Variants in LRRC2 observed in about 807,000 individuals in gnomAD.
The protein encoded by LRRC2 is leucine rich repeat containing 2, also known as leucine-rich repeat-containing protein 2.
Under a neutral mutation model 40.2 loss-of-function variants are expected in LRRC2, and 27 were observed. The observed-to-expected ratio is 0.67, with a 90% CI of 0.49 to 0.93. The LOEUF is 0.93. LRRC2 is among the 40% of genes least tolerant of loss of function. The probability of loss-of-function intolerance (pLI) is 0.00; values close to 1 mark genes in which losing one functional copy is unlikely to be tolerated. For missense variants in LRRC2, 402 were observed against 439.6 expected, an observed-to-expected ratio of 0.91 and a Z score of 0.76; for synonymous variants, 147 against 158.9, an observed-to-expected ratio of 0.92 and a Z score of 0.56.
intron 1 of LRRC2, among the ~76,000 whole-genome samples, chr3:46,563,398 G>A (rs1704989905): frequency 6.6e-6 from 1 of 151,978 alleles, no homozygotes; most frequent in African/African-American, 2.4e-5. Context: ...CCCTCGGCCT[G>A]CCCATCCCAC....
intron 1 of LRRC2, among the ~76,000 whole-genome samples, chr3:46,554,596 C>A (rs1456779656): frequency 1.3e-4 from 20 of 148,396 alleles, no homozygotes; most frequent in African/African-American, 5.0e-4. Context: ...GAGCCGAGAT[C>A]GTACCAGCGC....
intron 5 of LRRC2, among the ~76,000 whole-genome samples, chr3:46,532,546 A>C (rs530835397): frequency 6.6e-6 from 1 of 152,248 alleles, no homozygotes; most frequent in South Asian, 2.1e-4. Context: ...CAAAACCTGC[A>C]GTGAGCTGAG....
chr3:46,543,643 TAATAATA>T (rs1284311211), intron 3 of LRRC2, among the ~76,000 whole-genome samples: 41 of 94,602 alleles, frequency 4.3e-4, no homozygotes, highest in African/African-American at 8.4e-4. Context: ...ATAATAATAA[TAATAATA>T]AATAATAAAT....
Position 46,518,958 on chromosome 3 carries a change from CA to C in LRRC2, c.*55del. The C allele has an allele frequency of 8.3e-7, 1 of 1,199,416 alleles. No individual in the cohort carries two copies. Among genetic ancestry groups the C allele is most frequent in the Non-Finnish European group, 1.2e-6 (1 of 804,354 alleles). The allele number at this position is 1,199,416 out of a possible 1,614,324, so 74.3% of individuals were successfully genotyped here. On this transcript the variant is annotated 3_prime_UTR_variant, in exon 9 of 9. Coordinates refer to ENST00000395905, the MANE Select transcript of LRRC2 (RefSeq NM_024512.5). Reference sequence around the variant, plus strand: ...TTCTTCCTATATGACATGATCATAACAAAGATTTATATATAGCTCCAGAGAA... The same window carrying C: ...TTCTTCCTATATGACATGATCATAACAAGATTTATATATAGCTCCAGAGAA...
rs190834092 is a variant in LRRC2, at chr3:46,519,161, C to A, written c.1067-98G>T. ...TACATAATGAATGTATGTCAATACA[C>A]CCATTATTGTCACTTCATGTTTTAA... is the stretch of plus-strand genomic sequence containing the variant. On this transcript the variant is annotated intron_variant, in intron 8 of 8. Transcript: ENST00000395905. 2.4e-4 allele frequency: 192 copies of A among 812,738 alleles called. 2 individuals carry two copies. The African/African-American group carries it at 2.7e-3, about 11-fold the overall frequency. 50.3% of individuals were successfully genotyped at this position (812,738 alleles called of 1,614,324 possible).
chr3:46,542,635 AG>A (rs1704419565), intron 3 of LRRC2, among the ~76,000 whole-genome samples: 1 of 152,240 alleles, frequency 6.6e-6, no homozygotes, highest in Non-Finnish European at 1.5e-5. Context: ...TATCTGTAAA[AG>A]TGGAAAAATA....
chr3:46,557,644 T>C lies in LRRC2; in HGVS notation c.-19-6034A>G, dbSNP rs185624243. ...TTTATATCTTCTGTTTCTTTGTTGA[T>C]ATTTTTCTATCTTTCCATTCATACC... On this transcript the variant is annotated intron_variant, in intron 1 of 8. Transcript: ENST00000395905. The C allele has an allele frequency of 2.0e-5, 3 of 152,374 alleles. No individual in the cohort carries two copies. The East Asian group carries it at 5.8e-4, about 29-fold the overall frequency. 9.4% of individuals were successfully genotyped at this position (152,374 alleles called of 1,614,324 possible).
At chr3:46,530,304 G>A (rs1476861864) in intron 5 of LRRC2, among the ~76,000 whole-genome samples, 1 of 152,150 alleles carries the variant, frequency 6.6e-6, no homozygotes, top group Admixed American at 6.6e-5. Flanking sequence ...TGCAAGCTGG[G>A]CGTGGTTGCT....
At chr3:46,528,193 G>A (rs964401183) in intron 6 of LRRC2, among the ~76,000 whole-genome samples, 7 of 152,102 alleles carry the variant, frequency 4.6e-5, no homozygotes, top group African/African-American at 1.7e-4. Context: ...CCTTCCGAGA[G>A]TCTACTGCAT....
Position 46,518,915 on chromosome 3 carries a change from G to A in LRRC2, c.*99C>T, listed in dbSNP as rs1476492899. 6 of 869,758 alleles carry A rather than the reference G, an allele frequency of 6.9e-6. No homozygotes were observed. The highest frequency in any genetic ancestry group is 4.9e-5 in the East Asian group (2 of 41,086). The allele number at this position is 869,758 out of a possible 1,614,324, so 53.9% of individuals were successfully genotyped here. A position where few individuals can be genotyped will look rare whatever the true frequency, so the allele number is the denominator to read the frequency against. On this transcript the variant is annotated 3_prime_UTR_variant, in exon 9 of 9. Coordinates refer to ENST00000395905, the MANE Select transcript of LRRC2 (RefSeq NM_024512.5). ...ACTATGATAGTGGTTTCTAGACTTT[G>A]TCCTTAAGCACAAGCCATTCTTCCT...
At chr3:46,540,130 G>C (rs984501310) in intron 3 of LRRC2, among the ~76,000 whole-genome samples, 1 of 152,246 alleles carries the variant, frequency 6.6e-6, no homozygotes, top group East Asian at 1.9e-4. Context: ...CTTGGTACTT[G>C]TAATGTGCTT....
At chr3:46,534,168 C>A (rs1704223970) in intron 4 of LRRC2, among the ~76,000 whole-genome samples, 1 of 152,082 alleles carries the variant, frequency 6.6e-6, no homozygotes, top group Admixed American at 6.5e-5. Context: ...TGAGTGAGAA[C>A]ATGCGGTGTT....
Position 46,519,034 on chromosome 3 carries a change from A to G in LRRC2, c.1096T>C (p.Ser366Pro). ...GGATATCAAAGTTGAAGGCTAAAAG[A>G]CACTTTGGTGGTATAGCTGGGAACA... ...ESVPSYTTKV[S>P]FSLQL Residue 366 changes from serine (S) to proline (P), a missense_variant, in exon 9 of 9, where the codon TCT becomes CCT. Coordinates refer to ENST00000395905, the MANE Select transcript of LRRC2 (RefSeq NM_024512.5). The G allele has an allele frequency of 6.8e-6, 11 of 1,609,984 alleles. No individual in the cohort carries two copies. Among genetic ancestry groups the G allele is most frequent in the Non-Finnish European group, 9.4e-6 (11 of 1,176,338 alleles).
Position 46,527,436 on chromosome 3 carries a change from T to G in LRRC2, c.919A>C (p.Thr307Pro), listed in dbSNP as rs1474812597. The G allele has an allele frequency of 5.0e-6, 8 of 1,613,726 alleles. No homozygotes were observed. Among genetic ancestry groups the G allele is most frequent in the Non-Finnish European group, 5.9e-6 (7 of 1,179,840 alleles). The change falls in exon 7 of 9, where the codon ACA becomes CCA. Residue 307 changes from threonine to proline, a missense_variant. By Grantham distance (38) the Thr-to-Pro change is conservative. Coordinates refer to ENST00000395905, the MANE Select transcript of LRRC2 (RefSeq NM_024512.5). Reference sequence around the variant, plus strand: ...TTCCGGGCTACTCACTTTAAAGGTGTGGATGAGTCACAAAGGGCAGTTGGG... The same window carrying G: ...TTCCGGGCTACTCACTTTAAAGGTGGGGATGAGTCACAAAGGGCAGTTGGG... ...ELPTALCDSS[T>P]PLKFVSLMDN...
intron 3 of LRRC2, 115 bp from the exon 4 acceptor site, chr3:46,539,316 A>C: frequency 1.0e-6 from 1 of 988,242 alleles, no homozygotes; most frequent in Non-Finnish European, 1.5e-6. Flanking sequence ...GAGAGCATAA[A>C]ACTTAACCAC....
chr3:46,518,772 G>GA lies in LRRC2; in HGVS notation c.*241dup, dbSNP rs2106969375. The GA allele has an allele frequency of 2.4e-6, 1 of 424,554 alleles. No homozygotes were observed. Among genetic ancestry groups the GA allele is most frequent in the Admixed American group, 4.0e-5 (1 of 24,708 alleles). 26.3% of individuals were successfully genotyped at this position (424,554 alleles called of 1,614,324 possible). ...AAACATATTAAATGTGCATTATTTGGAAAAAAGTATATGCAAATGAACCTG... is the reference window on the plus strand; with the variant it reads ...AAACATATTAAATGTGCATTATTTGGAAAAAAAGTATATGCAAATGAACCTG... On this transcript the variant is annotated 3_prime_UTR_variant, in exon 9 of 9. Transcript: ENST00000395905.
At chr3:46,528,293 C>CT (rs10706448) in intron 6 of LRRC2, among the ~76,000 whole-genome samples, 85 of 147,058 alleles carry the variant, frequency 5.8e-4, no homozygotes, top group Non-Finnish European at 7.3e-4. Context: ...CTTTGGTACA[C>CT]TTTTTTTTTT....
At chr3:46,545,338 A>C in intron 2 of LRRC2, 85 bp from the exon 3 acceptor site, 1 of 1,157,930 alleles carries the variant, frequency 8.6e-7, no homozygotes, top group South Asian at 1.4e-5. Flanking sequence ...ACCTGGGCAT[A>C]GGTGCTCTCC....
At chr3:46,529,131 T>A (rs1046344218) in intron 6 of LRRC2, among the ~76,000 whole-genome samples, 2 of 150,830 alleles carry the variant, frequency 1.3e-5, no homozygotes, top group Non-Finnish European at 3.0e-5. Flanking sequence ...AAAAAAAAAA[T>A]TGTAGATTCC....
Sources: allele counts gnomAD v4.1 joint callset (sites outside exome capture counted in the v4.1 genomes callset), GRCh38; gene constraint gnomAD v4.1.1; transcripts MANE v1.5; gene names NCBI Gene and HGNC (gene_info 2026-07-23, HGNC 2026-07-21).